Variants in RASGEF1A observed in about 807,000 individuals in gnomAD.
RASGEF1A encodes the protein ras-GEF domain-containing family member 1A.
A neutral mutation model predicts 56.4 loss-of-function variants in RASGEF1A; 18 were observed. The ratio of observed to expected loss-of-function variants is 0.32; its 90% CI spans 0.22 to 0.47. The LOEUF is 0.47. Among genes scored for constraint, RASGEF1A ranks in the 20% least tolerant of loss-of-function variants. The probability of loss-of-function intolerance (pLI) is 1.00; values close to 1 mark genes in which losing one functional copy is unlikely to be tolerated. For synonymous variants in RASGEF1A, 245 were observed against 242.6 expected (o/e 1.01, Z -0.09); for missense variants, 422 against 627.1 (o/e 0.67, Z 3.49).
At chr10:43,246,211 T>C (rs1176694138) in intron 1 of RASGEF1A, among the ~76,000 whole-genome samples, 1 of 152,172 alleles carries the variant, frequency 6.6e-6, no homozygotes, top group African/African-American at 2.4e-5. Flanking sequence ...TTAACAAAAG[T>C]ATAAGACTTG....
At chr10:43,264,297 G>A (rs1836585892) in intron 1 of RASGEF1A, among the ~76,000 whole-genome samples, 1 of 151,740 alleles carries the variant, frequency 6.6e-6, no homozygotes, top group African/African-American at 2.4e-5. Context: ...CCAAAAAGTG[G>A]CGACAGGGAT....
At chr10:43,202,519 G>A (rs913451075) in intron 3 of RASGEF1A, 10 of 448,636 alleles carry the variant, frequency 2.2e-5, no homozygotes, top group Non-Finnish European at 4.0e-5. Flanking sequence ...GACTGTGCCC[G>A]ATGCTCAGGC....
At chr10:43,253,415 C>T (rs1019258846) in intron 1 of RASGEF1A, among the ~76,000 whole-genome samples, 3 of 152,232 alleles carry the variant, frequency 2.0e-5, no homozygotes, top group Non-Finnish European at 4.4e-5. Context: ...TTCCCGTATT[C>T]GGCAAAAGGG....
chr10:43,235,455 C>T (rs1480196548), intron 1 of RASGEF1A, among the ~76,000 whole-genome samples: 1 of 152,244 alleles, frequency 6.6e-6, no homozygotes, highest in Non-Finnish European at 1.5e-5. Flanking sequence ...CTCAGCCACA[C>T]TCAGAGAATC....
At chr10:43,203,031 C>T (rs1285645665) in intron 3 of RASGEF1A, among the ~76,000 whole-genome samples, 1 of 147,196 alleles carries the variant, frequency 6.8e-6, no homozygotes. Context: ...TGGACCCCAC[C>T]CTGCAGCCCC....
At chr10:43,207,593 G>T (rs956711018) in intron 1 of RASGEF1A, 3 of 985,592 alleles carry the variant, frequency 3.0e-6, no homozygotes, top group Non-Finnish European at 3.6e-6. Context: ...CCACGATGAC[G>T]CTGGGTGGAA....
chr10:43,234,352 C>A (rs1840406196), intron 1 of RASGEF1A, among the ~76,000 whole-genome samples: 1 of 152,148 alleles, frequency 6.6e-6, no homozygotes, highest in South Asian at 2.1e-4. Context: ...CCGCTCATCC[C>A]CCCAAGAACA....
chr10:43,238,962 T>C (rs1003731814), intron 1 of RASGEF1A, among the ~76,000 whole-genome samples: 4 of 152,240 alleles, frequency 2.6e-5, no homozygotes, highest in Non-Finnish European at 5.9e-5. Context: ...GTTTCTTTCT[T>C]AGTCATTCAC....
chr10:43,222,245 G>A (rs1840218218), intron 1 of RASGEF1A, among the ~76,000 whole-genome samples: 1 of 152,206 alleles, frequency 6.6e-6, no homozygotes, highest in African/African-American at 2.4e-5. Context: ...ACTATGTGGT[G>A]CATGACGCTG....
chr10:43,251,205 C>G (rs1840624341), intron 1 of RASGEF1A, among the ~76,000 whole-genome samples: 1 of 152,242 alleles, frequency 6.6e-6, no homozygotes, highest in South Asian at 2.1e-4. Context: ...ACTCAGTTTT[C>G]CTTCCTGCCG....
At chr10:43,243,997 G>C (rs1409673173) in intron 1 of RASGEF1A, among the ~76,000 whole-genome samples, 30 of 152,228 alleles carry the variant, frequency 2.0e-4, no homozygotes, top group Non-Finnish European at 7.3e-5. Flanking sequence ...CTGTGTCTGT[G>C]TAGAAAGAAG....
rs1021012298 is a variant in RASGEF1A, at chr10:43,198,305, C to T, written c.1033-110G>A. 4 of 956,576 alleles carry T rather than the reference C, an allele frequency of 4.2e-6. No individual in the cohort carries two copies. In the Admixed American group the frequency reaches 1.2e-4, roughly 28 times the overall value. The allele number at this position is 956,576 out of a possible 1,614,324, so 59.3% of individuals were successfully genotyped here. On this transcript the variant is annotated intron_variant, in intron 9 of 12. Transcript: ENST00000395810. ...CAGCAGACAGAGAAGGCACCTGGCC[C>T]CTGGGCAGCCTGGGAGTTAGCACGG...
In RASGEF1A at chr10:43,239,395, G is replaced by C. The variant is rs117086050; in HGVS notation, c.-7+27450C>G. On this transcript the variant is annotated intron_variant, in intron 1 of 12. Coordinates refer to ENST00000395810, the MANE Select transcript of RASGEF1A (RefSeq NM_145313.4). ...ATAGCCAGGTAGTGAAAATGGTGGA[G>C]TAAGGACCTCCAAAAACCCTCTCTT... is the stretch of plus-strand genomic sequence containing the variant. Among the ~76,000 whole-genome samples the C allele has an allele frequency of 4.4e-3, 664 of 152,302 alleles. 5 individuals are homozygous for C. The highest frequency in any genetic ancestry group is 7.1e-3 in the Admixed American group (109 of 15,300).
chr10:43,203,052 C>T (rs1839931817), intron 3 of RASGEF1A, among the ~76,000 whole-genome samples: 1 of 138,588 alleles, frequency 7.2e-6, no homozygotes, highest in African/African-American at 2.7e-5. Flanking sequence ...AGCTAGGCCA[C>T]GCCCAACCCT....
At chr10:43,228,707 T>C (rs1001945819) in intron 1 of RASGEF1A, among the ~76,000 whole-genome samples, 3 of 152,206 alleles carry the variant, frequency 2.0e-5, no homozygotes, top group African/African-American at 7.2e-5. Context: ...TTGCTTCTTC[T>C]CTAGCCCTCA....
At chr10:43,210,347 G>A (rs1035656551) in intron 1 of RASGEF1A, among the ~76,000 whole-genome samples, 1 of 152,172 alleles carries the variant, frequency 6.6e-6, no homozygotes, top group African/African-American at 2.4e-5. Flanking sequence ...GGTGGCACAG[G>A]CCTGTGGTTC....
chr10:43,214,324 C>T (rs1230944930), intron 1 of RASGEF1A, among the ~76,000 whole-genome samples: 1 of 152,210 alleles, frequency 6.6e-6, no homozygotes. Flanking sequence ...CTGTGTCCTG[C>T]ACTGAGGATG....
intron 1 of RASGEF1A, 55 bp downstream of exon 1, chr10:43,266,790 G>T (rs1836633374): frequency 1.4e-5 from 2 of 145,948 alleles, no homozygotes; most frequent in African/African-American, 2.5e-5. Context: ...GGAGGGCACG[G>T]CCCCAGGCGC....
chr10:43,202,305 C>T lies in RASGEF1A; in HGVS notation c.322-360G>A, dbSNP rs550610977. Among the ~76,000 whole-genome samples the T allele has an allele frequency of 1.1e-4, 17 of 152,342 alleles. No homozygotes were observed. In the South Asian group the frequency reaches 3.5e-3, roughly 32 times the overall value. On this transcript the variant is annotated intron_variant, in intron 3 of 12. Transcript: ENST00000395810. Reference sequence around the variant, plus strand: ...AGCCATCCAGTTAGAGGAGAGCTCCCGTCTGCCCCCTGTGGTTGAAAGGGC... The same window carrying T: ...AGCCATCCAGTTAGAGGAGAGCTCCTGTCTGCCCCCTGTGGTTGAAAGGGC...
Sources: allele counts gnomAD v4.1 joint callset (sites outside exome capture counted in the v4.1 genomes callset), GRCh38; gene constraint gnomAD v4.1.1; transcripts MANE v1.5; gene names NCBI Gene and HGNC (gene_info 2026-07-23, HGNC 2026-07-21).